The following MIOS variants were observed in gnomAD, a reference collection of about 807,000 sequenced individuals.
MIOS encodes GATOR2 complex protein MIOS.
MIOS carries 52 observed loss-of-function variants against 96.9 expected under a neutral mutation model. The ratio of observed to expected loss-of-function variants is 0.54; its 90% CI spans 0.43 to 0.68. The LOEUF is 0.68. Among genes scored for constraint, MIOS ranks in the 30% least tolerant of loss-of-function variants. The probability of loss-of-function intolerance (pLI) is 0.00; values close to 1 mark genes in which losing one functional copy is unlikely to be tolerated. For synonymous variants in MIOS, 397 were observed against 359.5 expected, an observed-to-expected ratio of 1.10 and a Z score of -1.18; for missense variants, 1,005 against 1,052.8, an observed-to-expected ratio of 0.95 and a Z score of 0.63.
intron 11 of MIOS, among the ~76,000 whole-genome samples, chr7:7,603,466 C>A (rs1387191067): frequency 6.6e-6 from 1 of 151,388 alleles, no homozygotes; most frequent in African/African-American, 2.4e-5. Context: ...AAAAAATGTT[C>A]ATCATCACTG....
chr7:7,606,851 T>G (rs1198955020), intron 12 of MIOS, 145 bp from the exon 13 acceptor site: 1 of 611,748 alleles, frequency 1.6e-6, no homozygotes, highest in Non-Finnish European at 2.8e-6. Context: ...CTCAGGAGGC[T>G]GAGGCAGGAG....
At chr7:7,569,597 C>T (rs1335133757) in intron 3 of MIOS, among the ~76,000 whole-genome samples, 3 of 152,188 alleles carry the variant, frequency 2.0e-5, no homozygotes, top group Admixed American at 6.5e-5. Flanking sequence ...TACTAAGTGC[C>T]TAGCACTGTA....
At chr7:7,602,288 C>A (rs941387577) in intron 11 of MIOS, among the ~76,000 whole-genome samples, 1 of 152,168 alleles carries the variant, frequency 6.6e-6, no homozygotes, top group Non-Finnish European at 1.5e-5. Context: ...CAAATTGTCC[C>A]TGTTTGCAGA....
intron 11 of MIOS, among the ~76,000 whole-genome samples, chr7:7,597,517 T>TATATATATATAA (rs372634070): frequency 1.4e-5 from 1 of 70,444 alleles, no homozygotes; most frequent in African/African-American, 5.1e-5. Context: ...TATATATATA[T>TATATATATATAA]GAAGGCAATA....
chr7:7,597,459 C>A (rs1292654175), intron 11 of MIOS, among the ~76,000 whole-genome samples: 2 of 87,082 alleles, frequency 2.3e-5, no homozygotes, highest in African/African-American at 4.2e-5. Flanking sequence ...TGTCAGTTAC[C>A]TAGTAAATTT....
intron 9 of MIOS, among the ~76,000 whole-genome samples, chr7:7,593,075 A>G (rs1041219217): frequency 2.6e-5 from 4 of 152,314 alleles, no homozygotes; most frequent in Admixed American, 6.5e-5. Context: ...CTTACTGTAT[A>G]TGTATTGACC....
At chr7:7,605,022 A>T (rs887976854) in intron 11 of MIOS, 1 of 152,150 alleles carries the variant, frequency 6.6e-6, no homozygotes, top group South Asian at 2.1e-4. Context: ...CTTTCACCTC[A>T]TATCATTAGC....
chr7:7,582,286 CATAATT>C (rs1005378612), intron 5 of MIOS, among the ~76,000 whole-genome samples: 5 of 152,046 alleles, frequency 3.3e-5, no homozygotes, highest in African/African-American at 7.2e-5. Flanking sequence ...TGTTAAAAAA[CATAATT>C]ATATAATGAC....
At position 7,567,632 on chromosome 7, in the gene MIOS, C is replaced by G. The variant is rs568281836; in HGVS notation, c.-195C>G. The G allele has an allele frequency of 6.6e-6, 1 of 152,312 alleles. No homozygotes were observed. Among genetic ancestry groups the G allele is most frequent in the South Asian group, 2.1e-4 (1 of 4,826 alleles). 9.4% of individuals were successfully genotyped at this position (152,312 alleles called of 1,614,324 possible). A position where few individuals can be genotyped will look rare whatever the true frequency, so the allele number is the denominator to read the frequency against. ...GGAAATTTGGATATGTGCAGTGCAT[C>G]TCCTCGAAGATGCTGATGGTGGAAA... On this transcript the variant is annotated 5_prime_UTR_variant, in exon 2 of 13. It adds an upstream start codon to the 5' untranslated region. Coordinates refer to ENST00000340080, the MANE Select transcript of MIOS (RefSeq NM_019005.4).
At chr7:7,582,694 A>G (rs943516951) in intron 5 of MIOS, 1 of 866,358 alleles carries the variant, frequency 1.2e-6, no homozygotes, top group Non-Finnish European at 1.4e-6. Context: ...CCTTGTGAAT[A>G]AAACAGACAA....
Position 7,607,328 on chromosome 7 carries a change from A to G in MIOS, c.*236A>G, listed in dbSNP as rs1177944072. 1 of 320,046 alleles carries G rather than the reference A, an allele frequency of 3.1e-6. No homozygotes were observed. Among genetic ancestry groups the G allele is most frequent in the Non-Finnish European group, 5.6e-6 (1 of 177,074 alleles). The allele number at this position is 320,046 out of a possible 1,614,324, so 19.8% of individuals were successfully genotyped here. A position where few individuals can be genotyped will look rare whatever the true frequency, so the allele number is the denominator to read the frequency against. On this transcript the variant is annotated 3_prime_UTR_variant, in exon 13 of 13. Coordinates refer to ENST00000340080, the MANE Select transcript of MIOS (RefSeq NM_019005.4). ...ATGAGTTCTGTTCAGCAGGTTGAAA[A>G]GTCTGATTTAGAAAAACTTTCTAAG...
intron 3 of MIOS, among the ~76,000 whole-genome samples, chr7:7,571,825 GCTGT>G (rs1006963009): frequency 6.6e-6 from 1 of 152,146 alleles, no homozygotes; most frequent in Non-Finnish European, 1.5e-5. Context: ...TGAAGAAACC[GCTGT>G]CTTAGTATGA....
intron 11 of MIOS, among the ~76,000 whole-genome samples, chr7:7,600,444 T>C (rs1197798322): frequency 1.3e-5 from 2 of 152,048 alleles, no homozygotes; most frequent in Non-Finnish European, 2.9e-5. Flanking sequence ...AAACAGAGTT[T>C]AAACCAACAA....
intron 6 of MIOS, among the ~76,000 whole-genome samples, chr7:7,585,415 CCT>C (rs201752749): frequency 0.014 from 1,996 of 142,582 alleles, 17 homozygotes; most frequent in Middle Eastern, 0.04. Flanking sequence ...CAAACCCCCC[CCT>C]TTTTTTTTTT....
At chr7:7,577,036 G>C (rs1250729299) in intron 5 of MIOS, among the ~76,000 whole-genome samples, 1 of 152,148 alleles carries the variant, frequency 6.6e-6, no homozygotes, top group Non-Finnish European at 1.5e-5. Flanking sequence ...TTGGGCAATA[G>C]GATATCAGTT....
rs758387521 is a variant in MIOS, at chr7:7,585,820, T to C, written c.1818+15T>C. 2 of 1,584,322 alleles carry C rather than the reference T, an allele frequency of 1.3e-6. No individual in the cohort carries two copies. Among genetic ancestry groups the C allele is most frequent in the African/African-American group, 1.4e-5 (1 of 73,730 alleles). On this transcript the variant is annotated intron_variant, in intron 7 of 12. Coordinates refer to ENST00000340080, the MANE Select transcript of MIOS (RefSeq NM_019005.4). ...ATGGAGTTTTGGTAAGCTAACTTGT[T>C]TTTTAAGATCTTCCTTTGAATTAAG...
chr7:7,603,415 A>G (rs964786030), intron 11 of MIOS, among the ~76,000 whole-genome samples: 2 of 152,244 alleles, frequency 1.3e-5, no homozygotes, highest in African/African-American at 2.4e-5. Flanking sequence ...ATGAACAGAC[A>G]CTTCTCAAAA....
Position 7,607,244 on chromosome 7 carries a change from G to T in MIOS, c.*152G>T. On this transcript the variant is annotated 3_prime_UTR_variant, in exon 13 of 13. Transcript: ENST00000340080. ...TCAGATCAGCAGTTTTGATGTTTGA[G>T]TGATTTTGATATGCTTCACAGAGAC... is the stretch of plus-strand genomic sequence containing the variant. 1.7e-6 allele frequency: 1 copy of T among 574,300 alleles called. No individual in the cohort carries two copies. Among genetic ancestry groups the T allele is most frequent in the South Asian group, 2.4e-5 (1 of 42,122 alleles). The allele number at this position is 574,300 out of a possible 1,614,324, so 35.6% of individuals were successfully genotyped here.
At chr7:7,603,210 C>G (rs1355990811) in intron 11 of MIOS, among the ~76,000 whole-genome samples, 5 of 151,838 alleles carry the variant, frequency 3.3e-5, no homozygotes, top group African/African-American at 4.8e-5. Flanking sequence ...CCAAAATTGA[C>G]AAATGGGATC....
Sources: allele counts gnomAD v4.1 joint callset (sites outside exome capture counted in the v4.1 genomes callset), GRCh38; gene constraint gnomAD v4.1.1; transcripts MANE v1.5; gene names NCBI Gene and HGNC (gene_info 2026-07-23, HGNC 2026-07-21).